RUFY3: variants seen among roughly 807,000 people sequenced by gnomAD.
RUFY3 encodes RUN and FYVE domain containing 3.
RUFY3 carries 34 observed loss-of-function variants against 84.0 expected under a neutral mutation model. The observed-to-expected ratio is 0.40, with a 90% CI of 0.31 to 0.54. The LOEUF (loss-of-function observed/expected upper bound fraction) is 0.54. Ranked by LOEUF, RUFY3 falls within the 20% of genes least tolerant of loss-of-function variation. The pLI is 0.39. For synonymous variants in RUFY3, 242 were observed against 252.9 expected, an observed-to-expected ratio of 0.96 and a Z score of 0.41; for missense variants, 507 against 736.8, an observed-to-expected ratio of 0.69 and a Z score of 3.61.
intron 3 of RUFY3, among the ~76,000 whole-genome samples, chr4:70,764,237 C>T (rs535838695): frequency 6.6e-6 from 1 of 152,336 alleles, no homozygotes; most frequent in African/African-American, 2.4e-5. Flanking sequence ...CTCCCAGAGG[C>T]TGTGTCTTCA....
intron 13 of RUFY3, among the ~76,000 whole-genome samples, chr4:70,794,356 G>A (rs1393525792): frequency 3.3e-5 from 5 of 152,130 alleles, no homozygotes; most frequent in Admixed American, 2.6e-4. Context: ...CAAGGCAGGT[G>A]TATCACCTGA....
At chr4:70,743,944 T>G (rs1721733661) in intron 1 of RUFY3, among the ~76,000 whole-genome samples, 1 of 152,182 alleles carries the variant, frequency 6.6e-6, no homozygotes, top group African/African-American at 2.4e-5. Flanking sequence ...CACAACTGTA[T>G]TACGTAACTT....
chr4:70,765,700 A>G (rs764544183), intron 4 of RUFY3, among the ~76,000 whole-genome samples: 3 of 152,102 alleles, frequency 2.0e-5, no homozygotes, highest in Admixed American at 1.3e-4. Context: ...TGAGAGAAAC[A>G]GTAAATTTGC....
chr4:70,755,049 G>T (rs185534972), intron 1 of RUFY3, among the ~76,000 whole-genome samples: 2 of 151,894 alleles, frequency 1.3e-5, no homozygotes, highest in Non-Finnish European at 2.9e-5. Context: ...GATTACAGGC[G>T]CCTGCCACCA....
At chr4:70,773,487 A>C in intron 5 of RUFY3, 24 bp from the exon 6 acceptor site, 1 of 1,572,740 alleles carries the variant, frequency 6.4e-7, no homozygotes, top group Non-Finnish European at 8.7e-7. Context: ...ATTTTATATT[A>C]AAACCTGAAA....
intron 6 of RUFY3, among the ~76,000 whole-genome samples, 188 bp downstream of exon 6, chr4:70,773,760 TTTTG>T (rs1032471361): frequency 2.0e-5 from 3 of 152,306 alleles, no homozygotes; most frequent in East Asian, 1.9e-4. Context: ...AAAAGGATTT[TTTTG>T]TTTGTTTGTT....
intron 15 of RUFY3, among the ~76,000 whole-genome samples, chr4:70,802,380 C>T (rs866001878): frequency 3.3e-5 from 5 of 152,192 alleles, no homozygotes; most frequent in Admixed American, 6.5e-5. Flanking sequence ...GGCTTTGCTT[C>T]ACCTCTCATT....
At chr4:70,755,740 A>T (rs1413056914) in intron 1 of RUFY3, among the ~76,000 whole-genome samples, 4 of 152,118 alleles carry the variant, frequency 2.6e-5, no homozygotes, top group Admixed American at 6.5e-5. Flanking sequence ...TCACGAGGTC[A>T]GGAGATCAAG....
At position 70,788,772 on chromosome 4, in the gene RUFY3, A is replaced by G. The variant is rs774106888; in HGVS notation, c.1072-34A>G. ...ATGGTTTGTACTTAGTTGAAGGAAC[A>G]GAGTGTAAGCAATTTACTTACCTTT... On this transcript the variant is annotated intron_variant, in intron 10 of 17. Transcript: ENST00000381006. 2.5e-6 allele frequency: 4 copies of G among 1,608,064 alleles called. No homozygotes were observed. The East Asian group carries it at 8.9e-5, about 36-fold the overall frequency.
In RUFY3 at chr4:70,806,823, T is replaced by C. The variant is rs1732902051; in HGVS notation, c.*164T>C. On this transcript the variant is annotated 3_prime_UTR_variant, in exon 18 of 18. Coordinates refer to ENST00000381006, the MANE Select transcript of RUFY3 (RefSeq NM_001037442.4). Reference sequence around the variant, plus strand: ...GGCAGTGGTTGGGGTTACTGGAAATTTTGCTCATTTTCTCTAATGACTGTA... The same window carrying C: ...GGCAGTGGTTGGGGTTACTGGAAATCTTGCTCATTTTCTCTAATGACTGTA... 2 of 805,484 alleles carry C rather than the reference T, an allele frequency of 2.5e-6. No individual in the cohort carries two copies. Among genetic ancestry groups the C allele is most frequent in the Non-Finnish European group, 1.9e-6 (1 of 536,842 alleles). 49.9% of individuals were successfully genotyped at this position (805,484 alleles called of 1,614,324 possible). A position where few individuals can be genotyped will look rare whatever the true frequency, so the allele number is the denominator to read the frequency against.
At chr4:70,718,508 C>T (rs1341613436), upstream of RUFY3, among the ~76,000 whole-genome samples, 1 of 152,130 alleles carries the variant, frequency 6.6e-6, no homozygotes, top group Non-Finnish European at 1.5e-5. Flanking sequence ...GAACTCCCAC[C>T]CGCCTCACAA....
intron 1 of RUFY3, among the ~76,000 whole-genome samples, chr4:70,749,435 A>T (rs184232495): frequency 3.3e-5 from 5 of 152,166 alleles, no homozygotes. Context: ...AGAAATGTAT[A>T]CCTAACCAAG....
upstream of RUFY3, among the ~76,000 whole-genome samples, chr4:70,719,076 T>A (rs1379868456): frequency 6.6e-6 from 1 of 152,232 alleles, no homozygotes. Flanking sequence ...TCTTTGCCTG[T>A]GAACAATGGA....
chr4:70,749,699 A>T (rs1340623396), intron 1 of RUFY3, among the ~76,000 whole-genome samples: 3 of 144,474 alleles, frequency 2.1e-5, no homozygotes, highest in East Asian at 4.0e-4. Context: ...TCTGTTGCCC[A>T]GGCTAGAAGG....
chr4:70,722,988 C>G (rs529100344), intron 1 of RUFY3, among the ~76,000 whole-genome samples: 1 of 152,192 alleles, frequency 6.6e-6, no homozygotes, highest in Admixed American at 6.5e-5. Context: ...GTTTAGAGTT[C>G]TTTGTCTTTA....
upstream of RUFY3, among the ~76,000 whole-genome samples, chr4:70,720,918 TG>T (rs1742203427): frequency 6.6e-6 from 1 of 151,214 alleles, no homozygotes; most frequent in Non-Finnish European, 1.5e-5. Context: ...TGTGTGTGTG[TG>T]TGTGTGTGTG....
exon 1 of RUFY3, chr4:70,705,016 C>T: frequency 8.2e-7 from 1 of 1,223,694 alleles, no homozygotes; most frequent in Non-Finnish European, 1.0e-6. Flanking sequence ...GAGTGGCGGC[C>T]GGAGGAGCCG....
At chr4:70,771,049 C>T (rs949989614) in intron 5 of RUFY3, among the ~76,000 whole-genome samples, 17 of 151,874 alleles carry the variant, frequency 1.1e-4, no homozygotes, top group Admixed American at 6.6e-5. Context: ...CTTATATGGG[C>T]GTAGTTCATG....
intron 12 of RUFY3, chr4:70,792,687 C>CT: frequency 1.0e-6 from 1 of 984,926 alleles, no homozygotes; most frequent in South Asian, 4.7e-5. Flanking sequence ...TCTTAAAATT[C>CT]TTTATCTTTT....
Sources: gnomAD v4.1 joint callset for allele counts (sites outside exome capture counted in the v4.1 genomes callset) on GRCh38, gnomAD v4.1.1 for gene constraint, MANE v1.5 for transcripts, NCBI Gene and HGNC (gene_info 2026-07-23, HGNC 2026-07-21) for gene names.